Variants in TPH2 observed in about 807,000 individuals in gnomAD.
The protein encoded by TPH2 is tryptophan hydroxylase 2.
Under a neutral mutation model 59.1 loss-of-function variants are expected in TPH2, and 27 were observed. The observed-to-expected ratio is 0.46, with a 90% CI of 0.34 to 0.63. The LOEUF (loss-of-function observed/expected upper bound fraction) is 0.63, where lower values mean the gene tolerates loss of function less well. Among genes scored for constraint, TPH2 ranks in the 30% least tolerant of loss-of-function variants. TPH2 has a pLI of 0.01. For synonymous variants in TPH2, 220 were observed against 210.5 expected (o/e 1.05, Z -0.39); for missense variants, 523 against 588.3 (o/e 0.89, Z 1.15).
At chr12:71,961,635 T>C (rs759896361) in intron 5 of TPH2, 20 of 1,352,012 alleles carry the variant, frequency 1.5e-5, no homozygotes, top group African/African-American at 4.4e-5. Flanking sequence ...AAGCTCCTTG[T>C]GTATGTTGAG....
intron 5 of TPH2, among the ~76,000 whole-genome samples, chr12:71,957,584 C>T (rs1392759491): frequency 2.6e-5 from 4 of 152,082 alleles, no homozygotes; most frequent in African/African-American, 9.7e-5. Flanking sequence ...AATCCTCCTG[C>T]CTCGGCCTCC....
chr12:72,030,664 T>C (rs536330679), intron 9 of TPH2, among the ~76,000 whole-genome samples: 34 of 152,290 alleles, frequency 2.2e-4, no homozygotes, highest in African/African-American at 7.5e-4. Flanking sequence ...ATTTATCTGC[T>C]GTATATTGCT....
Position 72,006,708 on chromosome 12 carries a change from C to T in TPH2, c.1068+12143C>T, listed in dbSNP as rs554514474. ...CACAGAAACACCAAAGTCAAGGTGT[C>T]GCTGGAAAAATGGTTCAGAGGAACC... On this transcript the variant is annotated intron_variant, in intron 8 of 10. Coordinates refer to ENST00000333850, the MANE Select transcript of TPH2 (RefSeq NM_173353.4). Among the ~76,000 whole-genome samples the T allele has an allele frequency of 9.9e-5, 15 of 152,042 alleles. No homozygotes were observed. The East Asian group carries it at 1.2e-3, about 12-fold the overall frequency.
intron 9 of TPH2, among the ~76,000 whole-genome samples, chr12:72,023,749 A>G (rs1423841925): frequency 1.4e-5 from 2 of 146,426 alleles, no homozygotes; most frequent in Non-Finnish European, 3.0e-5. Flanking sequence ...ACTTGAACCC[A>G]GGAGGCGGAG....
At chr12:71,949,153 A>G (rs930553482) in intron 4 of TPH2, among the ~76,000 whole-genome samples, 9 of 152,228 alleles carry the variant, frequency 5.9e-5, no homozygotes, top group Admixed American at 5.9e-4. Context: ...AATTTATAAT[A>G]AATGTCACAT....
intron 9 of TPH2, among the ~76,000 whole-genome samples, chr12:72,030,390 G>A (rs537336606): frequency 2.6e-5 from 4 of 152,036 alleles, no homozygotes; most frequent in Non-Finnish European, 5.9e-5. Flanking sequence ...TATGCACATT[G>A]CATTTTTAGA....
chr12:71,971,344 C>T lies in TPH2; in HGVS notation c.609-1175C>T, dbSNP rs557178607. Among the ~76,000 whole-genome samples, 263 of 152,286 alleles carry T rather than the reference C, an allele frequency of 1.7e-3. 1 individual carries two copies. Among genetic ancestry groups the T allele is most frequent in the African/African-American group, 6.2e-3 (258 of 41,554 alleles). ...AATTGCAGAGGCAGAATTTCTGACA[C>T]ATGGCCAGGGTGGGAAGTGAGGGCG... On this transcript the variant is annotated intron_variant, in intron 5 of 10. Coordinates refer to ENST00000333850, the MANE Select transcript of TPH2 (RefSeq NM_173353.4).
At position 71,951,649 on chromosome 12, in the gene TPH2, G is replaced by A. The variant is rs1871348854; in HGVS notation, c.608+1994G>A. On this transcript the variant is annotated intron_variant, in intron 5 of 10. Coordinates refer to ENST00000333850, the MANE Select transcript of TPH2 (RefSeq NM_173353.4). ...AGGTGTTTGCCATTGTGCTTGGCCA[G>A]AAAATGTATTTTATATGTAGATGCT... Among the ~76,000 whole-genome samples the A allele has an allele frequency of 1.3e-5, 2 of 152,058 alleles. 1 individual carries two copies. The highest frequency in any genetic ancestry group is 2.9e-5 in the Non-Finnish European group (2 of 68,000).
At chr12:71,996,465 T>A (rs1872696960) in intron 8 of TPH2, among the ~76,000 whole-genome samples, 1 of 152,248 alleles carries the variant, frequency 6.6e-6, no homozygotes, top group South Asian at 2.1e-4. Context: ...GTTGTTTAGT[T>A]CTGAAACCTT....
chr12:71,982,795 A>C (rs1448747392), intron 7 of TPH2, among the ~76,000 whole-genome samples: 1 of 152,252 alleles, frequency 6.6e-6, no homozygotes, highest in Non-Finnish European at 1.5e-5. Flanking sequence ...AAAGGTGAGC[A>C]CTGAAGACCC....
chr12:72,000,227 A>G (rs1029327520), intron 8 of TPH2, among the ~76,000 whole-genome samples: 1 of 152,248 alleles, frequency 6.6e-6, no homozygotes, highest in Admixed American at 6.5e-5. Context: ...CTACAGGGCA[A>G]TAAAACCATA....
At chr12:71,939,126 T>C (rs1430628878) in intron 1 of TPH2, 35 bp downstream of exon 1, 4 of 1,520,490 alleles carry the variant, frequency 2.6e-6, no homozygotes, top group Non-Finnish European at 3.6e-6. Context: ...TGGAGAATTA[T>C]TTTTTAGGGT....
chr12:71,957,762 A>C (rs372095428), intron 5 of TPH2, among the ~76,000 whole-genome samples: 4 of 152,188 alleles, frequency 2.6e-5, no homozygotes, highest in Admixed American at 1.3e-4. Flanking sequence ...CTTCACATAA[A>C]TCATGCACAT....
chr12:71,985,897 G>T (rs1566142482), intron 7 of TPH2, among the ~76,000 whole-genome samples: 1 of 152,122 alleles, frequency 6.6e-6, no homozygotes, highest in African/African-American at 2.4e-5. Context: ...AGAGGAGGAG[G>T]CATCTGCTAT....
At chr12:71,957,328 T>TC (rs1491145609) in intron 5 of TPH2, among the ~76,000 whole-genome samples, 1 of 58,870 alleles carries the variant, frequency 1.7e-5, no homozygotes, top group Non-Finnish European at 3.3e-5. Context: ...GAGTAAAGGA[T>TC]TTTTTTTTTT....
intron 7 of TPH2, among the ~76,000 whole-genome samples, chr12:71,980,111 A>G (rs1379826128): frequency 1.3e-5 from 2 of 152,200 alleles, no homozygotes; most frequent in Non-Finnish European, 2.9e-5. Flanking sequence ...CTTGGTAAAC[A>G]TCTGAGCAAA....
rs532651993 is a variant in TPH2, at chr12:72,009,541, C to T, written c.1069-12858C>T. Among the ~76,000 whole-genome samples the T allele has an allele frequency of 1.9e-3, 286 of 152,268 alleles. 1 individual carries two copies. The highest frequency in any genetic ancestry group is 2.7e-3 in the Non-Finnish European group (185 of 68,012). ...ACAACTTACTATATTTCTAAACTAG[C>T]CTCATTGATTGTAATCTCAGCTCTC... is the stretch of plus-strand genomic sequence containing the variant. On this transcript the variant is annotated intron_variant, in intron 8 of 10. Transcript: ENST00000333850.
chr12:71,939,001 G>A lies in TPH2; in HGVS notation c.15G>A (p.Met5Ile). 1.2e-6 allele frequency: 2 copies of A among 1,614,074 alleles called. No individual in the cohort carries two copies. The highest frequency in any genetic ancestry group is 2.2e-5 in the South Asian group (2 of 91,084). The change falls in exon 1 of 11, where the codon ATG becomes ATA. Residue 5 changes from methionine (M) to isoleucine (I), a missense_variant. By Grantham distance (10) the Met-to-Ile change is conservative. Transcript: ENST00000333850. MQPAMMMFSSKYWAR... is the reference protein window; with the variant it reads MQPAIMMFSSKYWAR... ...CACCGGGATCCATGCAGCCAGCAATGATGATGTTTTCCAGTAAATACTGGG... is the reference window on the plus strand; with the variant it reads ...CACCGGGATCCATGCAGCCAGCAATAATGATGTTTTCCAGTAAATACTGGG...
At chr12:71,946,740 G>C (rs1489515089) in intron 4 of TPH2, among the ~76,000 whole-genome samples, 1 of 152,164 alleles carries the variant, frequency 6.6e-6, no homozygotes, top group East Asian at 1.9e-4. Context: ...GGACCGTTGT[G>C]ATAGGATACT....
Sources: allele counts gnomAD v4.1 joint callset (sites outside exome capture counted in the v4.1 genomes callset), GRCh38; gene constraint gnomAD v4.1.1; transcripts MANE v1.5; gene names NCBI Gene and HGNC (gene_info 2026-07-23, HGNC 2026-07-21).